Variants in VPS13B observed in about 807,000 individuals in gnomAD.
The protein encoded by VPS13B is intermembrane lipid transfer protein VPS13B.
In VPS13B, 285 loss-of-function variants were observed where a neutral mutation model predicts 426.4. The ratio of observed to expected loss-of-function variants is 0.67; its 90% CI spans 0.61 to 0.74. The LOEUF (loss-of-function observed/expected upper bound fraction) is 0.74, where lower values mean the gene tolerates loss of function less well. Ranked by LOEUF, VPS13B falls within the 30% of genes least tolerant of loss-of-function variation. The probability of loss-of-function intolerance (pLI) is 0.00; values close to 1 mark genes in which losing one functional copy is unlikely to be tolerated. For missense variants in VPS13B, 4,537 were observed against 4,782.6 expected, an observed-to-expected ratio of 0.95 and a Z score of 1.51; for synonymous variants, 1,676 against 1,676.4, an observed-to-expected ratio of 1.00 and a Z score of 0.01.
At chr8:99,813,645 C>G (rs1360022426) in intron 44 of VPS13B, among the ~76,000 whole-genome samples, 1 of 152,146 alleles carries the variant, frequency 6.6e-6, no homozygotes, top group Non-Finnish European at 1.5e-5. Context: ...ATTATGATGG[C>G]TAGAGTATCT....
chr8:99,406,962 TAA>T (rs973354802), intron 21 of VPS13B, among the ~76,000 whole-genome samples: 8 of 152,170 alleles, frequency 5.3e-5, no homozygotes, highest in Non-Finnish European at 1.0e-4. Flanking sequence ...CTGATTGGAG[TAA>T]AGAGTCTTTA....
chr8:99,778,353 G>T (rs1811845137), intron 41 of VPS13B, among the ~76,000 whole-genome samples: 1 of 151,728 alleles, frequency 6.6e-6, no homozygotes, highest in Non-Finnish European at 1.5e-5. Flanking sequence ...AGATTTGATT[G>T]GTAGCTACAG....
At chr8:99,708,397 G>A (rs1832574895) in intron 36 of VPS13B, among the ~76,000 whole-genome samples, 1 of 152,158 alleles carries the variant, frequency 6.6e-6, no homozygotes, top group Non-Finnish European at 1.5e-5. Flanking sequence ...CCATGTGTGA[G>A]TAGCCAGCTC....
At chr8:99,414,767 C>A (rs772593281) in intron 21 of VPS13B, among the ~76,000 whole-genome samples, 1 of 152,116 alleles carries the variant, frequency 6.6e-6, no homozygotes, top group Non-Finnish European at 1.5e-5. Context: ...CTGGCTTGTA[C>A]GGTTTCTGCC....
At chr8:99,042,441 T>G in intron 3 of VPS13B, among the ~76,000 whole-genome samples, 1 of 152,196 alleles carries the variant, frequency 6.6e-6, no homozygotes. Flanking sequence ...TTGATATGGC[T>G]CTTTAAGATT....
In VPS13B at chr8:99,534,160, G is replaced by A. The variant is rs557468228; in HGVS notation, c.4745+13150G>A. On this transcript the variant is annotated intron_variant, in intron 30 of 61. Transcript: ENST00000357162. ...AATATTATCGGCAGAGTTTTAGTGCGTCATGGTATTCTGCTGATTTAGTTG... is the reference window on the plus strand; with the variant it reads ...AATATTATCGGCAGAGTTTTAGTGCATCATGGTATTCTGCTGATTTAGTTG... 5.3e-5 allele frequency among the ~76,000 whole-genome samples: 8 copies of A among 152,210 alleles called. No individual in the cohort carries two copies. The South Asian group carries it at 6.2e-4, about 12-fold the overall frequency.
intron 33 of VPS13B, among the ~76,000 whole-genome samples, chr8:99,608,223 A>G (rs1309498258): frequency 6.7e-6 from 1 of 148,230 alleles, no homozygotes; most frequent in Non-Finnish European, 1.5e-5. Flanking sequence ...ATCGTGGCTC[A>G]CTGTAACTTC....
chr8:99,855,746 G>T (rs1816513968), intron 56 of VPS13B, among the ~76,000 whole-genome samples: 1 of 152,174 alleles, frequency 6.6e-6, no homozygotes, highest in African/African-American at 2.4e-5. Context: ...AGACTTACTA[G>T]GGTTATCTAG....
chr8:99,039,060 G>A (rs1319887824), intron 3 of VPS13B, among the ~76,000 whole-genome samples: 1 of 152,132 alleles, frequency 6.6e-6, no homozygotes, highest in East Asian at 1.9e-4. Flanking sequence ...AGTATGTAAA[G>A]GTTGTTTTCA....
intron 33 of VPS13B, among the ~76,000 whole-genome samples, chr8:99,585,206 G>A (rs117517929): frequency 2.8e-3 from 426 of 152,278 alleles, no homozygotes; most frequent in Non-Finnish European, 4.8e-3. Context: ...TGAAGGAACT[G>A]TGCAGGGAAA....
At chr8:99,771,181 A>G (rs1243620588) in intron 40 of VPS13B, among the ~76,000 whole-genome samples, 1 of 152,180 alleles carries the variant, frequency 6.6e-6, no homozygotes, top group Non-Finnish European at 1.5e-5. Flanking sequence ...TGTCTGGTTA[A>G]TTCTGTATAA....
At chr8:99,859,722 T>C (rs1245930466) in intron 57 of VPS13B, among the ~76,000 whole-genome samples, 2 of 152,108 alleles carry the variant, frequency 1.3e-5, no homozygotes, top group Admixed American at 6.5e-5. Context: ...AAGCCTCCCA[T>C]TGGGAAAACA....
At chr8:99,480,784 T>A (rs1435098511) in intron 24 of VPS13B, among the ~76,000 whole-genome samples, 1 of 152,186 alleles carries the variant, frequency 6.6e-6, no homozygotes, top group Non-Finnish European at 1.5e-5. Flanking sequence ...CATCTGGATG[T>A]GTCCTGGGGC....
At chr8:99,206,790 G>T (rs1021979921) in intron 17 of VPS13B, among the ~76,000 whole-genome samples, 1 of 152,094 alleles carries the variant, frequency 6.6e-6, no homozygotes, top group Admixed American at 6.6e-5. Flanking sequence ...TTAGGAAAAA[G>T]ATTGAGGTAT....
Position 99,456,057 on chromosome 8 carries a change from G to A in VPS13B, c.3446-11357G>A, listed in dbSNP as rs11785131. ...AAATCACTTTCTAAGTGGTTATACC[G>A]TTTTACATTCTTGTGATCGATTTGT... On this transcript the variant is annotated intron_variant, in intron 23 of 61. Coordinates refer to ENST00000357162, the MANE Select transcript of VPS13B (RefSeq NM_152564.5). Among the ~76,000 whole-genome samples the A allele has an allele frequency of 1.5e-3, 222 of 152,242 alleles. 1 individual carries two copies. Among genetic ancestry groups the A allele is most frequent in the Non-Finnish European group, 2.5e-3 (173 of 68,016 alleles).
At chr8:99,323,808 C>T (rs1225272777) in intron 19 of VPS13B, among the ~76,000 whole-genome samples, 1 of 152,134 alleles carries the variant, frequency 6.6e-6, no homozygotes, top group Non-Finnish European at 1.5e-5. Flanking sequence ...TGCTCTGATA[C>T]AAAATATTGC....
intron 2 of VPS13B, among the ~76,000 whole-genome samples, chr8:99,026,562 T>A (rs1475103502): frequency 6.6e-6 from 1 of 152,212 alleles, no homozygotes; most frequent in South Asian, 2.1e-4. Context: ...CCAACTATTA[T>A]TGTAATGGAG....
intron 17 of VPS13B, among the ~76,000 whole-genome samples, chr8:99,200,909 T>C (rs533972887): frequency 1.3e-5 from 2 of 152,108 alleles, no homozygotes; most frequent in Non-Finnish European, 2.9e-5. Context: ...CTTCTTTACA[T>C]TGGACCTTGT....
intron 19 of VPS13B, 112 bp from the exon 20 acceptor site, chr8:99,384,096 C>G: frequency 1.1e-6 from 1 of 914,864 alleles, no homozygotes. Flanking sequence ...CTTTCCAACG[C>G]TTGTTACTGT....
Sources: allele counts gnomAD v4.1 joint callset (sites outside exome capture counted in the v4.1 genomes callset), GRCh38; gene constraint gnomAD v4.1.1; transcripts MANE v1.5; gene names NCBI Gene and HGNC (gene_info 2026-07-23, HGNC 2026-07-21).